MYBPHL: variants seen among roughly 807,000 people sequenced by gnomAD.
MYBPHL encodes the protein myosin-binding protein H-like.
A neutral mutation model predicts 39.5 loss-of-function variants in MYBPHL; 32 were observed. That is an observed-to-expected ratio of 0.81 (90% CI 0.61 to 1.09). The LOEUF (loss-of-function observed/expected upper bound fraction) is 1.09. MYBPHL is among the 50% of genes least tolerant of loss of function. MYBPHL has a pLI of 0.00. For missense variants in MYBPHL, 456 were observed against 460.2 expected, an observed-to-expected ratio of 0.99 and a Z score of 0.08; for synonymous variants, 196 against 183.7, an observed-to-expected ratio of 1.07 and a Z score of -0.54.
rs966126947 is a variant in MYBPHL, at chr1:109,300,353, G to C, written c.146-2096C>G. 6.6e-5 allele frequency among the ~76,000 whole-genome samples: 10 copies of C among 152,362 alleles called. No homozygotes were observed. The East Asian group carries it at 1.9e-3, about 29-fold the overall frequency. On this transcript the variant is annotated intron_variant, in intron 1 of 8. Coordinates refer to ENST00000357155, the MANE Select transcript of MYBPHL (RefSeq NM_001010985.3). ...CACCCAGCAATGAGCACCATAGTCA[G>C]GGCTTGGACAGTGGCCTGCCCCTGG... is the stretch of plus-strand genomic sequence containing the variant.
Position 109,298,287 on chromosome 1 carries a change from A to G in MYBPHL, c.146-30T>C, listed in dbSNP as rs760018938. ...GTGATGGAAAGAGAGAGAATAGGAGATGGATACTCAGAGAAAGTAAATCCT... is the reference window on the plus strand; with the variant it reads ...GTGATGGAAAGAGAGAGAATAGGAGGTGGATACTCAGAGAAAGTAAATCCT... On this transcript the variant is annotated intron_variant, in intron 1 of 8. Coordinates refer to ENST00000357155, the MANE Select transcript of MYBPHL (RefSeq NM_001010985.3). 3.2e-6 allele frequency: 5 copies of G among 1,583,596 alleles called. No individual in the cohort carries two copies. The South Asian group carries it at 4.5e-5, about 14-fold the overall frequency.
intron 5 of MYBPHL, among the ~76,000 whole-genome samples, 156 bp downstream of exon 5, chr1:109,296,627 T>A (rs766802143): frequency 4.6e-5 from 7 of 152,014 alleles, no homozygotes; most frequent in Non-Finnish European, 8.8e-5. Context: ...TTAGTAGAGA[T>A]GAGGTTTCAC....
chr1:109,294,133 C>T, intron 8 of MYBPHL, 73 bp downstream of exon 8: 1 of 1,008,954 alleles, frequency 9.9e-7, no homozygotes, highest in Non-Finnish European at 1.6e-6. Context: ...GAATGCACCT[C>T]TGTCCCTGAC....
Position 109,295,191 on chromosome 1 carries a change from G to T in MYBPHL, c.974C>A (p.Pro325His). Reference protein sequence around the residue: ...ICSLEIRKPGPFDGGIYTCKA... With the variant: ...ICSLEIRKPGHFDGGIYTCKA... ...GCAGGTATAGATGCCTCCATCAAAG[G>T]GACCCGGCTTGCGGATCTCTAGGGA... Residue 325 changes from proline to histidine, a missense_variant, in exon 7 of 9, where the codon CCC (proline) becomes CAC (histidine). Coordinates refer to ENST00000357155, the MANE Select transcript of MYBPHL (RefSeq NM_001010985.3). The T allele has an allele frequency of 6.2e-7, 1 of 1,614,122 alleles. No individual in the cohort carries two copies. The highest frequency in any genetic ancestry group is 8.5e-7 in the Non-Finnish European group (1 of 1,180,034).
Position 109,297,542 on chromosome 1 carries a change from C to T in MYBPHL, c.310G>A (p.Gly104Arg). Residue 104 changes from glycine to arginine, a missense_variant, in exon 3 of 9, where the codon GGG (glycine) becomes AGG (arginine). Physicochemically the swap from Gly to Arg is moderately radical, Grantham distance 125. Coordinates refer to ENST00000357155, the MANE Select transcript of MYBPHL (RefSeq NM_001010985.3). ...ATGAAGAGGATGGAGTCTTGCTCCCCATTCCGCACACTCACACGCCTGGTG... is the reference window on the plus strand; with the variant it reads ...ATGAAGAGGATGGAGTCTTGCTCCCTATTCCGCACACTCACACGCCTGGTG... ...LDTRRVSVRN[G>R]EQDSILFIRE... 1 of 1,613,976 alleles carries T rather than the reference C, an allele frequency of 6.2e-7. No individual in the cohort carries two copies. The highest frequency in any genetic ancestry group is 8.5e-7 in the Non-Finnish European group (1 of 1,180,032).
At position 109,296,235 on chromosome 1, in the gene MYBPHL, C is replaced by A; in HGVS notation, c.866G>T (p.Arg289Leu). 1.2e-6 allele frequency: 2 copies of A among 1,613,152 alleles called. No individual in the cohort carries two copies. The highest frequency in any genetic ancestry group is 1.7e-5 in the Admixed American group (1 of 59,946). Residue 289 changes from arginine to leucine, a missense_variant and splice_region_variant, in exon 6 of 9, where the codon CGG (arginine) becomes CTG (leucine). Coordinates refer to ENST00000357155, the MANE Select transcript of MYBPHL (RefSeq NM_001010985.3). ...GTGCCCCCCAGAGCCCCCACTCACC[C>A]GGGGAGAGGCGCGGACACAGCAGAA... ...QLFCCVRASP[R>L]PKIIWLKNKM...
chr1:109,296,645 T>C, intron 5 of MYBPHL, 138 bp downstream of exon 5: 1 of 1,036,030 alleles, frequency 9.7e-7, no homozygotes, highest in South Asian at 1.5e-5. Flanking sequence ...CACCATGTTG[T>C]CCAGGCTGGT....
At chr1:109,300,233 G>A (rs527614422) in intron 1 of MYBPHL, among the ~76,000 whole-genome samples, 4 of 152,294 alleles carry the variant, frequency 2.6e-5, no homozygotes, top group East Asian at 1.9e-4. Context: ...CTGTGACGAC[G>A]TGCCTGGCAC....
At chr1:109,298,495 A>C (rs1658169301) in intron 1 of MYBPHL, among the ~76,000 whole-genome samples, 1 of 152,130 alleles carries the variant, frequency 6.6e-6, no homozygotes. Context: ...TGCGAGTCTG[A>C]CAGTTCTCTT....
chr1:109,302,613 C>T (rs1658332469), intron 1 of MYBPHL, among the ~76,000 whole-genome samples: 1 of 152,138 alleles, frequency 6.6e-6, no homozygotes, highest in Non-Finnish European at 1.5e-5. Context: ...GTCCCAACAC[C>T]CATGTTTCCA....
At chr1:109,297,401 C>T (rs374296022) in intron 3 of MYBPHL, 21 bp downstream of exon 3, 1 of 1,602,116 alleles carries the variant, frequency 6.2e-7, no homozygotes, top group Non-Finnish European at 8.5e-7. Flanking sequence ...ACCCCCCCAT[C>T]TCCCACTTCC....
chr1:109,296,670 C>T (rs1218145305), intron 5 of MYBPHL, 113 bp downstream of exon 5: 1 of 1,282,362 alleles, frequency 7.8e-7, no homozygotes, highest in East Asian at 2.3e-5. Context: ...AACTCCTGAC[C>T]TCAGGTGATC....
At chr1:109,304,083 CG>C (rs1658380148) in intron 1 of MYBPHL, among the ~76,000 whole-genome samples, 1 of 152,208 alleles carries the variant, frequency 6.6e-6, no homozygotes, top group African/African-American at 2.4e-5. Context: ...GTTCTATCCC[CG>C]TCCCTGCATT....
intron 5 of MYBPHL, 25 bp from the exon 6 acceptor site, chr1:109,296,395 A>G (rs1658065235): frequency 4.3e-6 from 7 of 1,612,316 alleles, no homozygotes; most frequent in Non-Finnish European, 5.1e-6. Context: ...AGGGGCTGGC[A>G]TGTAGCTTCT....
At chr1:109,295,759 C>T (rs1360804598) in intron 6 of MYBPHL, among the ~76,000 whole-genome samples, 1 of 152,154 alleles carries the variant, frequency 6.6e-6, no homozygotes, top group African/African-American at 2.4e-5. Flanking sequence ...GACTCAAAAC[C>T]CAAAAGATTC....
rs527490774 is a variant in MYBPHL, at chr1:109,306,976, C to T, written c.16G>A (p.Ala6Thr). Residue 6 changes from alanine (A) to threonine (T), a missense_variant, in exon 1 of 9, where the codon GCT (alanine) becomes ACT (threonine). Transcript: ENST00000357155. ...TTGGATCCTGCGGCCACCTCCGGAG[C>T]TGTGGCTGCCTCCATGCTGGGCCTT... MEAATAPEVAAGSKLK... is the reference protein window; with the variant it reads MEAATTPEVAAGSKLK... The T allele has an allele frequency of 2.5e-6, 4 of 1,611,004 alleles. No individual in the cohort carries two copies. In the South Asian group the frequency reaches 3.3e-5, roughly 13 times the overall value.
chr1:109,305,223 G>C lies in MYBPHL; in HGVS notation c.145+1624C>G, dbSNP rs1570860332. On this transcript the variant is annotated intron_variant, in intron 1 of 8. Coordinates refer to ENST00000357155, the MANE Select transcript of MYBPHL (RefSeq NM_001010985.3). ...CCTCAATTTACAGATGAGAAAATGG[G>C]AGTGGATTGACTTGCCTAGGGCCAC... 2.6e-5 allele frequency among the ~76,000 whole-genome samples: 4 copies of C among 152,342 alleles called. 1 individual carries two copies. In the South Asian group the frequency reaches 8.3e-4, roughly 32 times the overall value.
Position 109,297,464 on chromosome 1 carries a change from C to T in MYBPHL, c.388G>A (p.Gly130Ser). 6.2e-7 allele frequency: 1 copy of T among 1,613,224 alleles called. No individual in the cohort carries two copies. The change falls in exon 3 of 9, where the codon GGT becomes AGT. Residue 130 changes from glycine (G) to serine (S), a missense_variant. Transcript: ENST00000357155. The part of the protein sequence containing the change: ...SGRYQLRVQL[G>S]GLEATATIDI... ...ATGGTGGCGGTGGCCTCCAGCCCAC[C>T]CAGCTGCACGCGGAGTTGGTAGCGA...
chr1:109,296,127 G>A (rs550033881), intron 6 of MYBPHL, 107 bp downstream of exon 6: 10 of 1,404,696 alleles, frequency 7.1e-6, no homozygotes, highest in South Asian at 4.1e-5. Flanking sequence ...GCAGATGGCG[G>A]TGATGGTAAC....
Sources: gnomAD v4.1 joint callset for allele counts (sites outside exome capture counted in the v4.1 genomes callset) on GRCh38, gnomAD v4.1.1 for gene constraint, MANE v1.5 for transcripts, NCBI Gene and HGNC (gene_info 2026-07-23, HGNC 2026-07-21) for gene names.